The following PDE1C variants were observed in gnomAD, a reference collection of about 807,000 sequenced individuals.
PDE1C encodes phosphodiesterase 1C, also known as dual specificity calcium/calmodulin-dependent 3',5'-cyclic nucleotide phosphodiesterase 1C.
A neutral mutation model predicts 93.1 loss-of-function variants in PDE1C; 62 were observed. The observed-to-expected ratio is 0.67, with a 90% CI of 0.54 to 0.82. The LOEUF (loss-of-function observed/expected upper bound fraction) is 0.82, where lower values mean the gene tolerates loss of function less well. PDE1C is among the 40% of genes least tolerant of loss of function. The probability of loss-of-function intolerance (pLI) is 0.00; values close to 1 mark genes in which losing one functional copy is unlikely to be tolerated. For synonymous variants in PDE1C, 325 were observed against 310.1 expected (o/e 1.05, Z -0.50); for missense variants, 742 against 884.6 (o/e 0.84, Z 2.04).
At chr7:32,367,212 G>C (rs934823314) in intron 1 of PDE1C, among the ~76,000 whole-genome samples, 5 of 152,132 alleles carry the variant, frequency 3.3e-5, no homozygotes, top group African/African-American at 1.2e-4. Context: ...GTCATTGTAG[G>C]ACCATCATGA....
At chr7:32,259,584 A>C (rs1222161106) in intron 1 of PDE1C, among the ~76,000 whole-genome samples, 1 of 152,174 alleles carries the variant, frequency 6.6e-6, no homozygotes, top group Non-Finnish European at 1.5e-5. Flanking sequence ...GTTCTGGCTT[A>C]AAATCTCATG....
chr7:31,773,215 C>T (rs1178243595), intron 17 of PDE1C, among the ~76,000 whole-genome samples: 1 of 152,130 alleles, frequency 6.6e-6, no homozygotes, highest in African/African-American at 2.4e-5. Flanking sequence ...TCCTGTAGGG[C>T]AGAGGATTGT....
the PDE1C span, among the ~76,000 whole-genome samples, chr7:31,654,808 T>C: frequency 6.6e-6 from 1 of 152,138 alleles, no homozygotes; most frequent in Non-Finnish European, 1.5e-5. Context: ...GGTCACTTCT[T>C]AGCAAGTAAC....
At chr7:32,425,249 TA>T (rs1335007208) in intron 1 of PDE1C, among the ~76,000 whole-genome samples, 1 of 152,116 alleles carries the variant, frequency 6.6e-6, no homozygotes, top group Non-Finnish European at 1.5e-5. Flanking sequence ...TCTAGTCCAG[TA>T]AAAGGCTACC....
chr7:32,296,240 G>A, intron 1 of PDE1C, among the ~76,000 whole-genome samples: 1 of 152,026 alleles, frequency 6.6e-6, no homozygotes, highest in East Asian at 1.9e-4. Flanking sequence ...TGCCTCTCTA[G>A]CAACTTACTA....
intron 3 of PDE1C, among the ~76,000 whole-genome samples, chr7:32,117,382 C>A (rs1799041859): frequency 6.6e-6 from 1 of 152,164 alleles, no homozygotes; most frequent in Non-Finnish European, 1.5e-5. Flanking sequence ...TCCTTCTGGG[C>A]CTCAGGGCCT....
chr7:31,962,949 C>T (rs1489861841), intron 2 of PDE1C, among the ~76,000 whole-genome samples: 7 of 152,174 alleles, frequency 4.6e-5, no homozygotes, highest in Non-Finnish European at 8.8e-5. Context: ...AGCCTGTGAC[C>T]AGGTCAACTC....
chr7:31,666,643 AT>A, the PDE1C span, among the ~76,000 whole-genome samples: 1 of 152,190 alleles, frequency 6.6e-6, no homozygotes, highest in African/African-American at 2.4e-5. Context: ...CAGTAAATTC[AT>A]CCTTTATGGT....
chr7:31,950,278 G>A (rs1045803159), intron 2 of PDE1C, among the ~76,000 whole-genome samples: 2 of 152,194 alleles, frequency 1.3e-5, no homozygotes, highest in African/African-American at 4.8e-5. Context: ...ATGGGCTTAT[G>A]AGGGTGTTGA....
intron 1 of PDE1C, among the ~76,000 whole-genome samples, chr7:32,376,588 C>T (rs1015782911): frequency 6.6e-6 from 1 of 152,204 alleles, no homozygotes; most frequent in Non-Finnish European, 1.5e-5. Flanking sequence ...CATCTCTTTT[C>T]CATGGGGCAT....
the PDE1C span, among the ~76,000 whole-genome samples, chr7:31,704,948 G>A: frequency 1.3e-5 from 2 of 152,144 alleles, no homozygotes; most frequent in Non-Finnish European, 2.9e-5. Flanking sequence ...GAATGCAGTC[G>A]TGACATGTAG....
At position 31,846,624 on chromosome 7, in the gene PDE1C, C is replaced by T. The variant is rs1336343907; in HGVS notation, c.980+1344G>A. On this transcript the variant is annotated intron_variant, in intron 9 of 17. Coordinates refer to ENST00000396191, the MANE Select transcript of PDE1C (RefSeq NM_001191057.4). ...CAATGGCAACAACAGCCAGAATTGA[C>T]AAATGGGATGTAATTAAACTAAAGA... 2.6e-5 allele frequency among the ~76,000 whole-genome samples: 4 copies of T among 152,200 alleles called. No homozygotes were observed. In the South Asian group the frequency reaches 8.3e-4, roughly 32 times the overall value.
intron 17 of PDE1C, among the ~76,000 whole-genome samples, chr7:31,769,583 T>C (rs1003094808): frequency 6.6e-6 from 1 of 152,222 alleles, no homozygotes; most frequent in African/African-American, 2.4e-5. Context: ...CTATCTTCCA[T>C]GCTTTTAAAT....
At chr7:32,337,597 T>C (rs922203722) in intron 1 of PDE1C, among the ~76,000 whole-genome samples, 5 of 151,948 alleles carry the variant, frequency 3.3e-5, no homozygotes, top group African/African-American at 1.2e-4. Flanking sequence ...ACTACAAATA[T>C]CAAGACAAGT....
chr7:32,139,543 T>A lies in PDE1C; in HGVS notation c.308+30242A>T, dbSNP rs566323488. On this transcript the variant is annotated intron_variant, in intron 3 of 18. Transcript: ENST00000396193. ...GCTTGGACATGCAAAAGGTTTGACG[T>A]ACTCAGATGCTCCTCCCTCTTAATA... 6.6e-5 allele frequency among the ~76,000 whole-genome samples: 10 copies of A among 152,266 alleles called. No individual in the cohort carries two copies. The South Asian group carries it at 2.1e-3, about 32-fold the overall frequency.
chr7:31,917,936 A>C (rs1006774958), intron 2 of PDE1C, among the ~76,000 whole-genome samples: 1 of 152,200 alleles, frequency 6.6e-6, no homozygotes, highest in Non-Finnish European at 1.5e-5. Context: ...GGAAAAAATA[A>C]CACTAGAGTA....
intron 1 of PDE1C, among the ~76,000 whole-genome samples, chr7:32,267,584 A>ACTCTCTCTCTCTCTCTCTCT (rs756476017): frequency 8.8e-6 from 1 of 113,080 alleles, no homozygotes; most frequent in African/African-American, 3.7e-5. Flanking sequence ...ACACACACAC[A>ACTCTCTCTCTCTCTCTCTCT]CACTCTCTCT....
At chr7:31,974,603 A>G (rs1334187952) in intron 2 of PDE1C, among the ~76,000 whole-genome samples, 1 of 152,134 alleles carries the variant, frequency 6.6e-6, no homozygotes, top group Non-Finnish European at 1.5e-5. Flanking sequence ...CTGAGTGTTG[A>G]ACACATATAA....
At chr7:32,212,316 C>T (rs1440764923) in intron 1 of PDE1C, among the ~76,000 whole-genome samples, 2 of 152,126 alleles carry the variant, frequency 1.3e-5, no homozygotes. Context: ...CTGCCCACCA[C>T]CCTATCCAAG....
Sources: allele counts gnomAD v4.1 joint callset (sites outside exome capture counted in the v4.1 genomes callset), GRCh38; gene constraint gnomAD v4.1.1; transcripts MANE v1.5; gene names NCBI Gene and HGNC (gene_info 2026-07-23, HGNC 2026-07-21).